The following TBC1D21 variants were observed in gnomAD, a reference collection of about 807,000 sequenced individuals.
TBC1D21 encodes male germ cell Rab GTPase-activating protein.
TBC1D21 carries 38 observed loss-of-function variants against 46.0 expected under a neutral mutation model. The ratio of observed to expected loss-of-function variants is 0.83; its 90% CI spans 0.64 to 1.08. TBC1D21 has a LOEUF of 1.08. Ranked by LOEUF, TBC1D21 falls within the 50% of genes least tolerant of loss-of-function variation. The probability of loss-of-function intolerance (pLI) is 0.00; values close to 1 mark genes in which losing one functional copy is unlikely to be tolerated. For synonymous variants in TBC1D21, 151 were observed against 157.2 expected, an observed-to-expected ratio of 0.96 and a Z score of 0.29; for missense variants, 415 against 417.9, an observed-to-expected ratio of 0.99 and a Z score of 0.06.
chr15:73,907,851 C>T, the TBC1D21 span, among the ~76,000 whole-genome samples: 1 of 152,152 alleles, frequency 6.6e-6, no homozygotes, highest in Non-Finnish European at 1.5e-5. Flanking sequence ...TTCATCTGTA[C>T]AATGGGACTA....
At chr15:73,898,863 C>CAAAAA in the TBC1D21 span, among the ~76,000 whole-genome samples, 921 of 24,084 alleles carry the variant, frequency 0.038, 110 homozygotes, top group Middle Eastern at 0.083. Flanking sequence ...GACTCCATCT[C>CAAAAA]AAAAAAAAAA....
At chr15:73,884,955 C>A in intron 5 of TBC1D21, 48 bp from the exon 6 acceptor site, 1 of 1,604,904 alleles carries the variant, frequency 6.2e-7, no homozygotes, top group Non-Finnish European at 8.5e-7. Context: ...GCCAAGGGTC[C>A]AGGCTCTCCC....
intron 3 of TBC1D21, among the ~76,000 whole-genome samples, chr15:73,883,483 T>C (rs2068189582): frequency 6.6e-6 from 1 of 152,212 alleles, no homozygotes; most frequent in African/African-American, 2.4e-5. Context: ...AGCTGGTGGC[T>C]GCCTCACTCC....
downstream of TBC1D21, chr15:73,889,361 C>A: frequency 2.0e-6 from 1 of 503,232 alleles, no homozygotes; most frequent in Non-Finnish European, 3.6e-6. Context: ...GAGACTGGGT[C>A]AGTGGCTCCT....
chr15:73,887,048 C>A (rs1229442589), intron 8 of TBC1D21, among the ~76,000 whole-genome samples: 1 of 152,186 alleles, frequency 6.6e-6, no homozygotes, highest in African/African-American at 2.4e-5. Flanking sequence ...GTCCTGTGAC[C>A]ACAATCCTCA....
intron 4 of TBC1D21, 99 bp downstream of exon 4, chr15:73,884,344 C>A: frequency 2.7e-6 from 3 of 1,127,100 alleles, no homozygotes; most frequent in South Asian, 1.3e-5. Flanking sequence ...CTCCAGGATC[C>A]TGGGAGTTGC....
chr15:73,880,899 G>A (rs2141560962), intron 1 of TBC1D21, among the ~76,000 whole-genome samples: 1 of 152,192 alleles, frequency 6.6e-6, no homozygotes, highest in African/African-American at 2.4e-5. Flanking sequence ...CAACTTTATA[G>A]TAGTCAATGC....
chr15:73,901,532 C>G, the TBC1D21 span, among the ~76,000 whole-genome samples: 1 of 152,204 alleles, frequency 6.6e-6, no homozygotes, highest in Non-Finnish European at 1.5e-5. Context: ...GGTGGCTTAA[C>G]GTAATGCACA....
chr15:73,884,380 A>C (rs968129797), intron 4 of TBC1D21, 135 bp downstream of exon 4: 7 of 826,238 alleles, frequency 8.5e-6, no homozygotes, highest in African/African-American at 8.4e-5. Flanking sequence ...GAGTTTCGCC[A>C]GCTGAACCTT....
chr15:73,879,258 A>G (rs930250829), intron 1 of TBC1D21, among the ~76,000 whole-genome samples: 8 of 152,134 alleles, frequency 5.3e-5, no homozygotes, highest in African/African-American at 1.9e-4. Flanking sequence ...CCCAGGCTGG[A>G]GTGCAGTGCC....
intron 8 of TBC1D21, 98 bp from the exon 9 acceptor site, chr15:73,887,522 G>C (rs2068268861): frequency 1.0e-6 from 1 of 959,146 alleles, no homozygotes; most frequent in South Asian, 1.3e-5. Flanking sequence ...GCCCAGGAAT[G>C]GCTGACTCCA....
the TBC1D21 span, among the ~76,000 whole-genome samples, chr15:73,898,880 A>AAAAAAATATATATATATATATATATATAT: frequency 1.8e-5 from 1 of 56,802 alleles, no homozygotes; most frequent in Non-Finnish European, 3.8e-5. Flanking sequence ...AAAAAAAAAA[A>AAAAAAATATATATATATATATATATATAT]ATATATATAT....
Position 73,886,096 on chromosome 15 carries a change from A to C in TBC1D21, c.598A>C (p.Asn200His), listed in dbSNP as rs2068240463. The C allele has an allele frequency of 6.2e-7, 1 of 1,614,066 alleles. No individual in the cohort carries two copies. Among genetic ancestry groups the C allele is most frequent in the Non-Finnish European group, 8.5e-7 (1 of 1,180,022 alleles). ...TGTGCAGGAACACAGCTGTGTCATCAACATTGGCGTGGCCAAGAACCTAGA... is the reference window on the plus strand; with the variant it reads ...TGTGCAGGAACACAGCTGTGTCATCCACATTGGCGTGGCCAAGAACCTAGA... ...LQKTEHSCVI[N>H]IGVAKNLDML... Residue 200 changes from asparagine (N) to histidine (H), a missense_variant, in exon 7 of 11, where the codon AAC becomes CAC. By Grantham distance (68) the Asn-to-His change is moderately conservative. Coordinates refer to ENST00000300504, the MANE Select transcript of TBC1D21 (RefSeq NM_153356.3).
intron 1 of TBC1D21, among the ~76,000 whole-genome samples, chr15:73,876,557 T>C (rs2068073382): frequency 2.6e-5 from 4 of 152,186 alleles, no homozygotes; most frequent in Admixed American, 2.0e-4. Context: ...CAGTGACTTT[T>C]TATAAACAAA....
rs768627858 is a variant in TBC1D21, at chr15:73,884,777, C to A, written c.368-4C>A. Reference sequence around the variant, plus strand: ...CACCTACTTGCCCCTTGCTTCCAACCTAGCACGTGACATTCAGAAAATCTA... The same window carrying A: ...CACCTACTTGCCCCTTGCTTCCAACATAGCACGTGACATTCAGAAAATCTA... On this transcript the variant is annotated splice_polypyrimidine_tract_variant and splice_region_variant and intron_variant, in intron 4 of 10. Transcript: ENST00000300504. 6.2e-5 allele frequency: 100 copies of A among 1,612,550 alleles called. No individual in the cohort carries two copies. The highest frequency in any genetic ancestry group is 8.3e-5 in the Non-Finnish European group (98 of 1,178,850).
At chr15:73,897,406 A>G in the TBC1D21 span, among the ~76,000 whole-genome samples, 1 of 152,252 alleles carries the variant, frequency 6.6e-6, no homozygotes, top group Non-Finnish European at 1.5e-5. Context: ...GGAAAGCCAC[A>G]GAAGTAGTCA....
the TBC1D21 span, among the ~76,000 whole-genome samples, chr15:73,902,418 A>G: frequency 6.6e-6 from 1 of 152,200 alleles, no homozygotes. Flanking sequence ...CCCAGCTATA[A>G]GGAAGGCTTA....
the TBC1D21 span, among the ~76,000 whole-genome samples, chr15:73,896,173 G>T: frequency 6.6e-6 from 1 of 152,182 alleles, no homozygotes; most frequent in African/African-American, 2.4e-5. Context: ...TATAATGGAG[G>T]TACTGGTAGT....
downstream of TBC1D21, among the ~76,000 whole-genome samples, chr15:73,890,308 T>C (rs2068326122): frequency 6.6e-6 from 1 of 152,190 alleles, no homozygotes; most frequent in Non-Finnish European, 1.5e-5. Context: ...CTGAGTCTCT[T>C]AGCTGCTGTA....
Sources: gnomAD v4.1 joint callset for allele counts (sites outside exome capture counted in the v4.1 genomes callset) on GRCh38, gnomAD v4.1.1 for gene constraint, MANE v1.5 for transcripts, NCBI Gene and HGNC (gene_info 2026-07-23, HGNC 2026-07-21) for gene names.